The following TMEM217B variants were observed in gnomAD, a reference collection of about 807,000 sequenced individuals.
The protein encoded by TMEM217B is putative transmembrane protein 217B.
chr6:37,229,436 G>A, the TMEM217B span, among the ~76,000 whole-genome samples: 6 of 132,314 alleles, frequency 4.5e-5, no homozygotes, highest in South Asian at 2.6e-4. Flanking sequence ...TCCGCCTCCC[G>A]GGTTCACTCT....
the TMEM217B span, among the ~76,000 whole-genome samples, chr6:37,221,702 C>T: frequency 6.6e-6 from 1 of 152,160 alleles, no homozygotes; most frequent in African/African-American, 2.4e-5. Flanking sequence ...GGCCAGAAAC[C>T]TCTGTGGCCA....
At chr6:37,246,311 T>G in the TMEM217B span, among the ~76,000 whole-genome samples, 2 of 149,508 alleles carry the variant, frequency 1.3e-5, no homozygotes, top group African/African-American at 5.1e-5. Context: ...CAGGCTTCAG[T>G]CTGGATTTTT....
the TMEM217B span, among the ~76,000 whole-genome samples, chr6:37,221,954 A>G: frequency 3.4e-4 from 51 of 152,186 alleles, no homozygotes; most frequent in African/African-American, 1.1e-3. Flanking sequence ...CAGGTCTCTG[A>G]GGCTCTCAGA....
At chr6:37,229,339 T>TTTTTTTG in the TMEM217B span, among the ~76,000 whole-genome samples, 1 of 122,188 alleles carries the variant, frequency 8.2e-6, no homozygotes, top group Non-Finnish European at 1.7e-5. Flanking sequence ...CTTTCAGTTT[T>TTTTTTTG]TTTTTTTTTT....
At chr6:37,238,964 T>C in the TMEM217B span, among the ~76,000 whole-genome samples, 2 of 151,980 alleles carry the variant, frequency 1.3e-5, no homozygotes, top group Admixed American at 6.6e-5. Context: ...ACCCTGTCTC[T>C]ACTAAAAATA....
chr6:37,257,773 C>T, the TMEM217B span: 1 of 855,430 alleles, frequency 1.2e-6, no homozygotes, highest in Non-Finnish European at 1.8e-6. Context: ...GGGGTGCCCA[C>T]ATCCAAGATG....
At chr6:37,228,987 A>G in the TMEM217B span, among the ~76,000 whole-genome samples, 1 of 151,462 alleles carries the variant, frequency 6.6e-6, no homozygotes, top group Non-Finnish European at 1.5e-5. Flanking sequence ...ACAGAGAGAG[A>G]CTCCGTCTCA....
At chr6:37,237,942 G>C in the TMEM217B span, among the ~76,000 whole-genome samples, 1 of 152,154 alleles carries the variant, frequency 6.6e-6, no homozygotes, top group Non-Finnish European at 1.5e-5. Flanking sequence ...GGCCAGGGGA[G>C]GAAGTAAAAT....
chr6:37,214,651 GC>G, the TMEM217B span, among the ~76,000 whole-genome samples: 1 of 152,152 alleles, frequency 6.6e-6, no homozygotes, highest in Non-Finnish European at 1.5e-5. Flanking sequence ...GAATTTGCCT[GC>G]TCTAGGTGTC....
the TMEM217B span, among the ~76,000 whole-genome samples, chr6:37,215,620 T>TAAAAA: frequency 7.6e-6 from 1 of 132,036 alleles, no homozygotes; most frequent in African/African-American, 3.0e-5. Context: ...AAAAGAAAAC[T>TAAAAA]TACAATGCAA....
the TMEM217B span, among the ~76,000 whole-genome samples, chr6:37,217,131 T>C: frequency 2.0e-5 from 3 of 152,198 alleles, no homozygotes; most frequent in South Asian, 6.2e-4. Context: ...CCGTCTCTAC[T>C]AAAAATACAA....
At chr6:37,252,633 ATATATTTT>A in the TMEM217B span, among the ~76,000 whole-genome samples, 878 of 75,068 alleles carry the variant, frequency 0.012, 5 homozygotes, top group African/African-American at 0.044. Context: ...ATATATATAT[ATATATTTT>A]TTTTTTTTTT....
chr6:37,215,616 A>T, the TMEM217B span, among the ~76,000 whole-genome samples: 1 of 151,454 alleles, frequency 6.6e-6, no homozygotes, highest in Non-Finnish European at 1.5e-5. Flanking sequence ...AGAAAAAAGA[A>T]AACTTACAAT....
chr6:37,212,615 T>G, the TMEM217B span: 1 of 499,234 alleles, frequency 2.0e-6, no homozygotes, highest in East Asian at 5.5e-5. Flanking sequence ...TGCAAATAAC[T>G]CAGCGTCTTG....
chr6:37,229,335 G>GTTTCTTTTTTT, the TMEM217B span, among the ~76,000 whole-genome samples: 1 of 74,368 alleles, frequency 1.3e-5, no homozygotes. Flanking sequence ...GCAACTTTCA[G>GTTTCTTTTTTT]TTTTTTTTTT....
the TMEM217B span, among the ~76,000 whole-genome samples, chr6:37,232,490 AT>A: frequency 6.6e-6 from 1 of 152,140 alleles, no homozygotes; most frequent in African/African-American, 2.4e-5. Context: ...GGTTCACGCC[AT>A]TCTCCTGCCT....
At chr6:37,218,281 GTC>G in the TMEM217B span, 12 of 1,216,940 alleles carry the variant, frequency 9.9e-6, no homozygotes, top group African/African-American at 1.5e-5. Context: ...TGATTCTCCA[GTC>G]TCAGCCTCTC....
chr6:37,215,308 T>C, the TMEM217B span: 1 of 1,607,874 alleles, frequency 6.2e-7, no homozygotes, highest in African/African-American at 1.3e-5. Flanking sequence ...AACAAATGAA[T>C]AAAAATTGTT....
At chr6:37,258,012 A>G in the TMEM217B span, 18 of 1,606,082 alleles carry the variant, frequency 1.1e-5, no homozygotes, top group East Asian at 4.0e-4. Context: ...GGATTGGACC[A>G]AACCCTTCCA....
Sources: gnomAD v4.1 joint callset for allele counts (sites outside exome capture counted in the v4.1 genomes callset) on GRCh38, gnomAD v4.1.1 for gene constraint, MANE v1.5 for transcripts, NCBI Gene and HGNC (gene_info 2026-07-23, HGNC 2026-07-21) for gene names.